SETBP1: variants seen among roughly 807,000 people sequenced by gnomAD.
SETBP1 encodes SET-binding protein.
In SETBP1, 9 loss-of-function variants were observed where a neutral mutation model predicts 101.0. That is an observed-to-expected ratio of 0.09 (90% confidence interval 0.05 to 0.16). The LOEUF (loss-of-function observed/expected upper bound fraction) is 0.16, where lower values mean the gene tolerates loss of function less well. SETBP1 is among the 10% of genes least tolerant of loss of function. The probability of loss-of-function intolerance (pLI) is 1.00; values close to 1 mark genes in which losing one functional copy is unlikely to be tolerated. For synonymous variants in SETBP1, 818 were observed against 788.5 expected (o/e 1.04, Z -0.63); for missense variants, 1,858 against 2,033.8 (o/e 0.91, Z 1.66).
intron 5 of SETBP1, among the ~76,000 whole-genome samples, chr18:45,041,763 A>C (rs989333886): frequency 6.6e-6 from 1 of 152,116 alleles, no homozygotes; most frequent in African/African-American, 2.4e-5. Context: ...GGAGTACAAA[A>C]CCAGCCTGGC....
intron 5 of SETBP1, among the ~76,000 whole-genome samples, chr18:45,059,273 A>G (rs1384265133): frequency 1.3e-5 from 2 of 152,278 alleles, no homozygotes; most frequent in South Asian, 2.1e-4. Context: ...GATTTCATCT[A>G]TTAATATTTT....
At chr18:44,801,168 T>C (rs1192518518) in intron 2 of SETBP1, among the ~76,000 whole-genome samples, 1 of 151,964 alleles carries the variant, frequency 6.6e-6, no homozygotes, top group Non-Finnish European at 1.5e-5. Flanking sequence ...CATTAGGAGA[T>C]ATACCTAATG....
At chr18:44,716,759 C>G (rs1026933287) in intron 2 of SETBP1, among the ~76,000 whole-genome samples, 1 of 152,118 alleles carries the variant, frequency 6.6e-6, no homozygotes, top group African/African-American at 2.4e-5. Flanking sequence ...GAAGGTGTTT[C>G]CCCATCTTGG....
intron 4 of SETBP1, among the ~76,000 whole-genome samples, chr18:44,966,827 G>C (rs2071730800): frequency 6.6e-6 from 1 of 152,138 alleles, no homozygotes; most frequent in African/African-American, 2.4e-5. Flanking sequence ...GTGCAACCTT[G>C]GGCAACTTAG....
intron 2 of SETBP1, among the ~76,000 whole-genome samples, chr18:44,748,261 A>T (rs944542970): frequency 1.3e-5 from 2 of 152,224 alleles, no homozygotes; most frequent in African/African-American, 4.8e-5. Flanking sequence ...CCCTAACAAG[A>T]AGAAGGGGTG....
intron 4 of SETBP1, among the ~76,000 whole-genome samples, chr18:44,968,798 A>G (rs1301818667): frequency 2.0e-5 from 3 of 152,236 alleles, no homozygotes; most frequent in Non-Finnish European, 4.4e-5. Context: ...GTGCACTAGC[A>G]AGACACACCA....
chr18:45,036,332 CAAAAAAAAA>C (rs370732298), intron 4 of SETBP1, among the ~76,000 whole-genome samples: 1 of 97,284 alleles, frequency 1.0e-5, no homozygotes, highest in African/African-American at 3.5e-5. Context: ...GACTCTGTCT[CAAAAAAAAA>C]AAAAAAAAGG....
chr18:44,687,082 G>A (rs1273619941), intron 1 of SETBP1, among the ~76,000 whole-genome samples: 1 of 152,190 alleles, frequency 6.6e-6, no homozygotes, highest in African/African-American at 2.4e-5. Context: ...GTGATGGAGT[G>A]AGCCTGGCCA....
In SETBP1 at chr18:44,887,793, G is replaced by A. The variant is rs115116372; in HGVS notation, c.540+18510G>A. ...GTGAGCAAGTGGCCAATTGTGTCCCGGATGCCCAGGGCTTATTAGAGCAGG... is the reference window on the plus strand; with the variant it reads ...GTGAGCAAGTGGCCAATTGTGTCCCAGATGCCCAGGGCTTATTAGAGCAGG... On this transcript the variant is annotated intron_variant, in intron 3 of 5. Coordinates refer to ENST00000649279, the MANE Select transcript of SETBP1 (RefSeq NM_015559.3). Among the ~76,000 whole-genome samples, 964 of 152,072 alleles carry A rather than the reference G, an allele frequency of 6.3e-3. 7 individuals carry two copies. Among genetic ancestry groups the A allele is most frequent in the African/African-American group, 0.022 (892 of 41,484 alleles).
In SETBP1 at chr18:44,900,151, A is replaced by G. The variant is rs182031266; in HGVS notation, c.540+30868A>G. On this transcript the variant is annotated intron_variant, in intron 3 of 5. Coordinates refer to ENST00000649279, the MANE Select transcript of SETBP1 (RefSeq NM_015559.3). ...TGAGATGAATAGATCAGTGGTTTCAAAGTGTGATCTTAGGACAACAGCATC... is the reference window on the plus strand; with the variant it reads ...TGAGATGAATAGATCAGTGGTTTCAGAGTGTGATCTTAGGACAACAGCATC... Among the ~76,000 whole-genome samples, 17 of 152,316 alleles carry G rather than the reference A, an allele frequency of 1.1e-4. 1 individual carries two copies. The highest frequency in any genetic ancestry group is 3.8e-4 in the African/African-American group (16 of 41,582).
At position 44,962,561 on chromosome 18, in the gene SETBP1, A is replaced by C. The variant is rs566628502; in HGVS notation, c.4000+9221A>C. Among the ~76,000 whole-genome samples the C allele has an allele frequency of 2.6e-5, 4 of 152,318 alleles. No individual in the cohort carries two copies. In the East Asian group the frequency reaches 7.7e-4, roughly 29 times the overall value. On this transcript the variant is annotated intron_variant, in intron 4 of 5. Coordinates refer to ENST00000649279, the MANE Select transcript of SETBP1 (RefSeq NM_015559.3). ...ACAAGAGATGGATATAGACATGTACACAAAGCAATCAGCGAGAATAATGGG... is the reference window on the plus strand; with the variant it reads ...ACAAGAGATGGATATAGACATGTACCCAAAGCAATCAGCGAGAATAATGGG...
intron 3 of SETBP1, among the ~76,000 whole-genome samples, chr18:44,891,011 A>C (rs2069756481): frequency 6.6e-6 from 1 of 152,166 alleles, no homozygotes; most frequent in South Asian, 2.1e-4. Context: ...CAATATACAA[A>C]AGAAAGAAAG....
At chr18:44,862,756 A>T (rs1246611412) in intron 2 of SETBP1, among the ~76,000 whole-genome samples, 2 of 152,176 alleles carry the variant, frequency 1.3e-5, no homozygotes, top group Admixed American at 6.5e-5. Flanking sequence ...TCTTCCACAA[A>T]GTGTAAACAA....
chr18:44,802,729 C>T (rs528705610), intron 2 of SETBP1, among the ~76,000 whole-genome samples: 6 of 152,218 alleles, frequency 3.9e-5, no homozygotes, highest in East Asian at 3.9e-4. Context: ...ATATCCAGAA[C>T]GATGACTCAT....
intron 2 of SETBP1, among the ~76,000 whole-genome samples, chr18:44,774,776 A>G (rs2070959428): frequency 1.3e-5 from 2 of 152,174 alleles, no homozygotes; most frequent in Admixed American, 6.5e-5. Context: ...AACCTGGGTC[A>G]CCTGATCCCA....
At chr18:45,010,741 T>C (rs1322914880) in intron 4 of SETBP1, among the ~76,000 whole-genome samples, 1 of 152,238 alleles carries the variant, frequency 6.6e-6, no homozygotes, top group Non-Finnish European at 1.5e-5. Flanking sequence ...TGCTTAATAC[T>C]ATGCATTTAT....
chr18:44,887,932 G>T (rs80008719), intron 3 of SETBP1, among the ~76,000 whole-genome samples: 1 of 152,050 alleles, frequency 6.6e-6, no homozygotes, highest in African/African-American at 2.4e-5. Flanking sequence ...TCCAAAATAC[G>T]AGGGCTCAGT....
intron 3 of SETBP1, among the ~76,000 whole-genome samples, chr18:44,873,510 C>A (rs202167352): frequency 6.6e-6 from 1 of 151,990 alleles, no homozygotes; most frequent in East Asian, 1.9e-4. Context: ...GCAGGGAGGT[C>A]GTCCCGGCAG....
intron 2 of SETBP1, among the ~76,000 whole-genome samples, chr18:44,854,556 A>G (rs1220908669): frequency 6.6e-6 from 1 of 152,176 alleles, no homozygotes; most frequent in Non-Finnish European, 1.5e-5. Flanking sequence ...TTCATGGGCT[A>G]TTGACCATGC....
Sources: allele counts gnomAD v4.1 joint callset (sites outside exome capture counted in the v4.1 genomes callset), GRCh38; gene constraint gnomAD v4.1.1; transcripts MANE v1.5; gene names NCBI Gene and HGNC (gene_info 2026-07-23, HGNC 2026-07-21).